Variants in RUNX1 observed in about 807,000 individuals in gnomAD.
RUNX1 encodes the protein runt-related transcription factor 1.
A neutral mutation model predicts 42.8 loss-of-function variants in RUNX1; 19 were observed. The ratio of observed to expected loss-of-function variants is 0.44; its 90% CI spans 0.31 to 0.65. RUNX1 has a LOEUF of 0.65. RUNX1 is among the 30% of genes least tolerant of loss of function. RUNX1 has a pLI of 0.07. For synonymous variants in RUNX1, 271 were observed against 289.4 expected (o/e 0.94, Z 0.64); for missense variants, 528 against 672.0 (o/e 0.79, Z 2.37).
At chr21:34,897,405 G>A (rs944649565) in intron 2 of RUNX1, among the ~76,000 whole-genome samples, 1 of 152,194 alleles carries the variant, frequency 6.6e-6, no homozygotes, top group Non-Finnish European at 1.5e-5. Context: ...TTCAATGCAA[G>A]GTCTTTAGCA....
At chr21:35,025,805 C>T (rs548074081) in intron 2 of RUNX1, among the ~76,000 whole-genome samples, 1 of 152,174 alleles carries the variant, frequency 6.6e-6, no homozygotes, top group East Asian at 1.9e-4. Flanking sequence ...GTTAGCCAAC[C>T]TGAGGACGTT....
chr21:34,947,538 A>G (rs148063985), intron 2 of RUNX1, among the ~76,000 whole-genome samples: 6 of 152,358 alleles, frequency 3.9e-5, no homozygotes, highest in Non-Finnish European at 7.3e-5. Flanking sequence ...CCTTATCATT[A>G]TAAGGAAGCC....
intron 5 of RUNX1, among the ~76,000 whole-genome samples, chr21:34,861,815 A>G (rs1329125628): frequency 6.6e-6 from 1 of 152,100 alleles, no homozygotes; most frequent in Non-Finnish European, 1.5e-5. Flanking sequence ...TTCCTTGATG[A>G]CTACATTTTG....
At chr21:34,933,423 T>C (rs1341525510) in intron 2 of RUNX1, among the ~76,000 whole-genome samples, 1 of 152,250 alleles carries the variant, frequency 6.6e-6, no homozygotes, top group Non-Finnish European at 1.5e-5. Flanking sequence ...AAGTTTCTAA[T>C]GTTTTAGGTC....
At chr21:34,910,056 T>C (rs761797873) in intron 2 of RUNX1, among the ~76,000 whole-genome samples, 4 of 152,228 alleles carry the variant, frequency 2.6e-5, no homozygotes, top group African/African-American at 9.6e-5. Context: ...CAGTGATTAA[T>C]GTAGTTTTAA....
intron 6 of RUNX1, among the ~76,000 whole-genome samples, chr21:34,846,200 T>C (rs2057313703): frequency 1.3e-5 from 2 of 149,148 alleles, no homozygotes; most frequent in Non-Finnish European, 3.0e-5. Flanking sequence ...ATGTCTTTTT[T>C]TTTTTTTTTT....
At chr21:34,793,630 G>A (rs1027072478) in intron 8 of RUNX1, among the ~76,000 whole-genome samples, 2 of 152,076 alleles carry the variant, frequency 1.3e-5, no homozygotes, top group Non-Finnish European at 2.9e-5. Flanking sequence ...TACTGCCTGT[G>A]GTTGCTTTAG....
intron 3 of RUNX1, chr21:34,888,042 CTGGT>C: frequency 9.4e-7 from 1 of 1,066,178 alleles, no homozygotes. Context: ...AAGTTTGTGG[CTGGT>C]CCTCTGGTTT....
intron 7 of RUNX1, among the ~76,000 whole-genome samples, chr21:34,801,126 TTAGA>T (rs1465840616): frequency 2.0e-5 from 3 of 152,026 alleles, no homozygotes; most frequent in South Asian, 2.1e-4. Flanking sequence ...AATCATATAC[TTAGA>T]TATTTTGTAT....
intron 2 of RUNX1, among the ~76,000 whole-genome samples, chr21:34,950,605 C>T (rs1379805006): frequency 2.6e-5 from 4 of 152,076 alleles, no homozygotes; most frequent in African/African-American, 7.2e-5. Flanking sequence ...CGCATGGTGG[C>T]GGGTGCCTGT....
intron 7 of RUNX1, among the ~76,000 whole-genome samples, chr21:34,811,550 C>T (rs537372129): frequency 5.9e-5 from 9 of 152,322 alleles, no homozygotes; most frequent in African/African-American, 2.2e-4. Flanking sequence ...CTATGTGATT[C>T]CCTGGCTGCC....
intron 2 of RUNX1, among the ~76,000 whole-genome samples, chr21:35,002,415 TTTATTTATTTA>T (rs1485268775): frequency 6.3e-5 from 9 of 141,840 alleles, no homozygotes; most frequent in East Asian, 2.0e-4. Context: ...TATTTATTTA[TTTATTTATTTA>T]TTATTTATTT....
At chr21:34,915,792 T>C (rs2058307591) in intron 2 of RUNX1, among the ~76,000 whole-genome samples, 1 of 152,204 alleles carries the variant, frequency 6.6e-6, no homozygotes, top group African/African-American at 2.4e-5. Context: ...GTCAGTGTTA[T>C]TTTGCTGAGA....
chr21:34,869,504 A>G (rs1201440043), intron 5 of RUNX1, among the ~76,000 whole-genome samples: 2 of 152,234 alleles, frequency 1.3e-5, no homozygotes, highest in Non-Finnish European at 2.9e-5. Context: ...ATAGGACACA[A>G]TGGGTTCGGT....
At chr21:34,922,515 T>C (rs1185391269) in intron 2 of RUNX1, among the ~76,000 whole-genome samples, 1 of 152,140 alleles carries the variant, frequency 6.6e-6, no homozygotes, top group Non-Finnish European at 1.5e-5. Context: ...TACATTGATG[T>C]TCCAAGCAGG....
intron 6 of RUNX1, among the ~76,000 whole-genome samples, chr21:34,841,841 T>C (rs1210684099): frequency 6.6e-6 from 1 of 152,222 alleles, no homozygotes; most frequent in Admixed American, 6.5e-5. Context: ...TCCCTAGCCC[T>C]TTGGCTTAGG....
Position 34,849,410 on chromosome 21 carries a change from TAA to T in RUNX1, c.613+10062_613+10063del, listed in dbSNP as rs1491378082. Among the ~76,000 whole-genome samples the T allele has an allele frequency of 1.1e-4, 7 of 65,844 alleles. 2 individuals are homozygous for T. Among genetic ancestry groups the T allele is most frequent in the South Asian group, 7.0e-4 (2 of 2,866 alleles). 43.2% of individuals were successfully genotyped at this position (65,844 alleles called of 152,430 possible). On this transcript the variant is annotated intron_variant, in intron 6 of 8. Coordinates refer to ENST00000675419, the MANE Select transcript of RUNX1 (RefSeq NM_001754.5). ...TATATATAATATATTATACTATATA[TAA>T]TATATTATATAGTATATATATTATA... is the stretch of plus-strand genomic sequence containing the variant.
chr21:34,858,829 G>C (rs939101541), intron 6 of RUNX1, among the ~76,000 whole-genome samples: 6 of 152,178 alleles, frequency 3.9e-5, no homozygotes, highest in Admixed American at 1.3e-4. Flanking sequence ...TCACTGTGAA[G>C]ACATCTTTTC....
intron 6 of RUNX1, among the ~76,000 whole-genome samples, chr21:34,841,900 T>A (rs184419785): frequency 6.6e-6 from 1 of 152,318 alleles, no homozygotes; most frequent in African/African-American, 2.4e-5. Context: ...TCTGCACCCA[T>A]GGGACTGTAA....
Sources: gnomAD v4.1 joint callset for allele counts (sites outside exome capture counted in the v4.1 genomes callset) on GRCh38, gnomAD v4.1.1 for gene constraint, MANE v1.5 for transcripts, NCBI Gene and HGNC (gene_info 2026-07-23, HGNC 2026-07-21) for gene names.